The following CAD variants were observed in gnomAD, a reference collection of about 807,000 sequenced individuals.
CAD encodes multifunctional protein CAD.
CAD carries 81 observed loss-of-function variants against 237.2 expected under a neutral mutation model. The observed-to-expected ratio is 0.34, with a 90% confidence interval of 0.29 to 0.41. The LOEUF (loss-of-function observed/expected upper bound fraction) is 0.41. CAD is among the 10% of genes least tolerant of loss of function. CAD has a pLI of 1.00. For missense variants in CAD, 2,181 were observed against 2,951.7 expected (o/e 0.74, Z 6.05); for synonymous variants, 1,196 against 1,162.8 (o/e 1.03, Z -0.58).
In CAD at chr2:27,240,592, G is replaced by C. The variant is rs1177572566; in HGVS notation, c.5593+231G>C. The C allele has an allele frequency of 2.6e-6, 4 of 1,545,478 alleles. No homozygotes were observed. The highest frequency in any genetic ancestry group is 3.5e-6 in the Non-Finnish European group (4 of 1,144,116). On this transcript the variant is annotated intron_variant, in intron 35 of 43. Transcript: ENST00000264705. The surrounding 1 kb of genome is among the most constrained non-coding windows in gnomAD (Gnocchi z 4.6). Reference sequence around the variant, plus strand: ...CTGTGTTCCTCCGCCCAGGAGCTGGGATCCCACGGGGCAGCAGAGCGTGGG... The same window carrying C: ...CTGTGTTCCTCCGCCCAGGAGCTGGCATCCCACGGGGCAGCAGAGCGTGGG...
chr2:27,231,602 G>A lies in CAD; in HGVS notation c.2400+22G>A, dbSNP rs374636890. Reference sequence around the variant, plus strand: ...TATGGTAAGTAGCTCCCCTCCCCTGGCAATACCCCTAAAATAGACCCTGCT... The same window carrying A: ...TATGGTAAGTAGCTCCCCTCCCCTGACAATACCCCTAAAATAGACCCTGCT... On this transcript the variant is annotated intron_variant, in intron 16 of 43. Transcript: ENST00000264705. The A allele has an allele frequency of 2.2e-4, 310 of 1,424,804 alleles. No homozygotes were observed. The African/African-American group carries it at 4.1e-3, about 19-fold the overall frequency. 88.3% of individuals were successfully genotyped at this position (1,424,804 alleles called of 1,614,324 possible). A position where few individuals can be genotyped will look rare whatever the true frequency, so the allele number is the denominator to read the frequency against.
At position 27,225,409 on chromosome 2, in the gene CAD, C is replaced by T. The variant is rs187311241; in HGVS notation, c.1620+166C>T. Among the ~76,000 whole-genome samples, 7 of 147,002 alleles carry T rather than the reference C, an allele frequency of 4.8e-5. No individual in the cohort carries two copies. The East Asian group carries it at 1.2e-3, about 25-fold the overall frequency. The stretch of plus-strand genomic sequence containing the variant: ...ATAACCTCCACCTCCCAGATTCAAG[C>T]GACTCTCCTGCCTCAGCTTCCTGAG... On this transcript the variant is annotated intron_variant, in intron 11 of 43. Coordinates refer to ENST00000264705, the MANE Select transcript of CAD (RefSeq NM_004341.5).
chr2:27,232,216 A>G lies in CAD; in HGVS notation c.2637A>G (p.Ala879=), dbSNP rs758833573. The change falls in exon 17 of 44, where the codon GCA becomes GCG. Residue 879 remains alanine (A), a synonymous_variant. Transcript: ENST00000264705. This position sits in a 1 kb window ranked among gnomAD's most constrained non-coding sequence, Gnocchi z 4.1. ...LGFSDKQIAL[A]VLSTELAVRK... ...TCTCAGACAAACAGATTGCCCTTGC[A>G]GTTCTGAGGTCAGAGGTGGCAATGA... 17 of 1,614,052 alleles carry G rather than the reference A, an allele frequency of 1.1e-5. No individual in the cohort carries two copies. The highest frequency in any genetic ancestry group is 1.4e-5 in the Non-Finnish European group (16 of 1,180,012).
intron 15 of CAD, among the ~76,000 whole-genome samples, chr2:27,230,337 A>G (rs988366107): frequency 6.6e-6 from 1 of 151,620 alleles, no homozygotes; most frequent in Non-Finnish European, 1.5e-5. Context: ...TGCTGTGATG[A>G]TATGTAAAAC....
Position 27,241,498 on chromosome 2 carries a change from C to T in CAD, c.5883+102C>T. ...TCAGAGTGGGTCTTCCTCCCCCTGC[C>T]ATCCCGTCCCCTTATGCTAGTCCAT... is the stretch of plus-strand genomic sequence containing the variant. On this transcript the variant is annotated intron_variant, in intron 38 of 43. Transcript: ENST00000264705. This position sits in a 1 kb window ranked among gnomAD's most constrained non-coding sequence, Gnocchi z 4.6. The T allele has an allele frequency of 3.7e-6, 4 of 1,070,774 alleles. No homozygotes were observed. Among genetic ancestry groups the T allele is most frequent in the Non-Finnish European group, 5.7e-6 (4 of 696,518 alleles). 66.3% of individuals were successfully genotyped at this position (1,070,774 alleles called of 1,614,324 possible).
In CAD at chr2:27,236,551, AGACT is replaced by A. The variant is rs1676011676; in HGVS notation, c.4314+30_4314+33del. On this transcript the variant is annotated intron_variant, in intron 26 of 43. Transcript: ENST00000264705. This position sits in a 1 kb window ranked among gnomAD's most constrained non-coding sequence, Gnocchi z 4.1. ...AACTGAGACCCATGTGCTGGGAGGG[AGACT>A]GCCAGTGTTGATGGGAAGAAGAAAG... 1 of 1,606,340 alleles carries A rather than the reference AGACT, an allele frequency of 6.2e-7. No homozygotes were observed. Among genetic ancestry groups the A allele is most frequent in the African/African-American group, 1.3e-5 (1 of 74,970 alleles).
rs181153542 is a variant in CAD at position 27,222,070 on chromosome 2, T to C, written c.353-124T>C. The C allele has an allele frequency of 9.4e-4, 863 of 915,816 alleles. 1 individual carries two copies. The highest frequency in any genetic ancestry group is 1.9e-3 in the Middle Eastern group (8 of 4,208). The allele number at this position is 915,816 out of a possible 1,614,324, so 56.7% of individuals were successfully genotyped here. A position where few individuals can be genotyped will look rare whatever the true frequency, so the allele number is the denominator to read the frequency against. On this transcript the variant is annotated intron_variant, in intron 3 of 43. Coordinates refer to ENST00000264705, the MANE Select transcript of CAD (RefSeq NM_004341.5). ...ATACTTCTGTCACAATGGCCCAGGA[T>C]TTTGATGCACATAGAACAGCTGTGT...
At position 27,242,860 on chromosome 2, in the gene CAD, C is replaced by T; in HGVS notation, c.6379-12C>T. On this transcript the variant is annotated splice_polypyrimidine_tract_variant and intron_variant, in intron 41 of 43. Transcript: ENST00000264705. The surrounding 1 kb of genome is among the most constrained non-coding windows in gnomAD (Gnocchi z 6.4). ...CAGCGCTGCATCCACCATGGCTCTC[C>T]TCACCCTCCAGGAGGAATTCGAGAG... 1 of 1,613,784 alleles carries T rather than the reference C, an allele frequency of 6.2e-7. No homozygotes were observed. The highest frequency in any genetic ancestry group is 8.5e-7 in the Non-Finnish European group (1 of 1,179,634).
At chr2:27,223,863 G>A in intron 7 of CAD, 54 bp from the exon 8 acceptor site, 1 of 1,548,316 alleles carries the variant, frequency 6.5e-7, no homozygotes, top group Non-Finnish European at 8.9e-7. Context: ...CCTCGAGGCT[G>A]CCAGTGTCAT....
At chr2:27,217,834 G>A (rs767387166) in intron 1 of CAD, 43 bp from the exon 2 acceptor site, 36 of 1,554,368 alleles carry the variant, frequency 2.3e-5, no homozygotes, top group Non-Finnish European at 3.0e-5. Context: ...GGAGTGTTCC[G>A]AAGGGTGCCC....
At position 27,236,719 on chromosome 2, in the gene CAD, C is replaced by T; in HGVS notation, c.4315-30C>T. ...CCCTACAACTCCCAGGATCACCCTT[C>T]CCTTAAAGCTGACTGCTTTCCACTT... On this transcript the variant is annotated intron_variant, in intron 26 of 43. Transcript: ENST00000264705. This position sits in a 1 kb window ranked among gnomAD's most constrained non-coding sequence, Gnocchi z 4.1. 6.2e-7 allele frequency: 1 copy of T among 1,607,016 alleles called. No homozygotes were observed. The highest frequency in any genetic ancestry group is 8.5e-7 in the Non-Finnish European group (1 of 1,173,532).
At chr2:27,230,232 G>A (rs568220936) in intron 15 of CAD, among the ~76,000 whole-genome samples, 4 of 152,258 alleles carry the variant, frequency 2.6e-5, no homozygotes, top group Admixed American at 6.5e-5. Flanking sequence ...GAGAAACTCC[G>A]TCTCAAGAAA....
chr2:27,234,115 C>G lies in CAD; in HGVS notation c.3507C>G (p.Thr1169=). ...GVHSGDATLV[T]PPQDITAKTL... The stretch of plus-strand genomic sequence containing the variant: ...ATTCAGGTGATGCGACGCTGGTGAC[C>G]CCCCCACAAGATATCACTGCCAAAA... The change falls in exon 22 of 44, where the codon ACC becomes ACG. Residue 1169 remains threonine, a synonymous_variant. Coordinates refer to ENST00000264705, the MANE Select transcript of CAD (RefSeq NM_004341.5). The G allele has an allele frequency of 1.2e-6, 2 of 1,614,078 alleles. No homozygotes were observed. The highest frequency in any genetic ancestry group is 1.7e-6 in the Non-Finnish European group (2 of 1,179,994).
chr2:27,231,543 T>C lies in CAD; in HGVS notation c.2363T>C (p.Val788Ala), dbSNP rs1253414276. The change falls in exon 16 of 44, where the codon GTG becomes GCG. Residue 788 changes from valine to alanine, a missense_variant. Physicochemically the swap from Val to Ala is moderately conservative, Grantham distance 64. Coordinates refer to ENST00000264705, the MANE Select transcript of CAD (RefSeq NM_004341.5). ...KALRMVDENC[V>A]GFDHTVKPVS... ...CTGCGCATGGTGGATGAGAACTGTG[T>C]GGGCTTTGATCACACAGTGAAACCA... The C allele has an allele frequency of 2.5e-6, 4 of 1,613,760 alleles. No individual in the cohort carries two copies. In the Admixed American group the frequency reaches 6.7e-5, roughly 27 times the overall value.
Position 27,224,858 on chromosome 2 carries a change from A to G in CAD, c.1368A>G (p.Thr456=). 1.2e-6 allele frequency: 2 copies of G among 1,613,980 alleles called. No individual in the cohort carries two copies. The highest frequency in any genetic ancestry group is 1.7e-6 in the Non-Finnish European group (2 of 1,179,978). The change falls in exon 10 of 44, where the codon ACA becomes ACG. Residue 456 remains threonine, a synonymous_variant. Transcript: ENST00000264705. Reference sequence around the variant, plus strand: ...ACAAGGTCTATTTTCTTCCCATAACACCTCATTATGTAACCCAGGTATGAC... The same window carrying G: ...ACAAGGTCTATTTTCTTCCCATAACGCCTCATTATGTAACCCAGGTATGAC... ...LADKVYFLPI[T]PHYVTQVIRN...
Position 27,221,780 on chromosome 2 carries a change from T to TTTTTA in CAD, c.353-414_353-413insTTTTA, listed in dbSNP as rs1491358907. ...TTTTTTTTTTTTTTTTTTTTTTTTT[T>TTTTTA]CTGTTCATTTGAATCTTGCTCTAAA... is the stretch of plus-strand genomic sequence containing the variant. On this transcript the variant is annotated intron_variant, in intron 3 of 43. Transcript: ENST00000264705. Among the ~76,000 whole-genome samples the TTTTTA allele has an allele frequency of 1.6e-3, 196 of 118,864 alleles. 2 individuals carry two copies. Among genetic ancestry groups the TTTTTA allele is most frequent in the African/African-American group, 5.8e-3 (162 of 28,160 alleles). The allele number at this position is 118,864 out of a possible 152,430, so 78.0% of individuals were successfully genotyped here.
chr2:27,232,046 G>C lies in CAD; in HGVS notation c.2467G>C (p.Val823Leu). ...VAAALWAGYS[V>L]DRLYELTRID... ...AGCTGCTTTGTGGGCTGGTTATTCA[G>C]TGGACCGCCTGTATGAGCTCACACG... Residue 823 changes from valine to leucine, a missense_variant, in exon 17 of 44, where the codon GTG becomes CTG. Coordinates refer to ENST00000264705, the MANE Select transcript of CAD (RefSeq NM_004341.5). This position sits in a 1 kb window ranked among gnomAD's most constrained non-coding sequence, Gnocchi z 4.1. 6.2e-7 allele frequency: 1 copy of C among 1,614,246 alleles called. No homozygotes were observed. The highest frequency in any genetic ancestry group is 8.5e-7 in the Non-Finnish European group (1 of 1,180,050).
Position 27,238,541 on chromosome 2 carries a change from G to T in CAD, c.4971G>T (p.Lys1657Asn). The change falls in exon 31 of 44, where the codon AAG (lysine) becomes AAT (asparagine). Residue 1657 changes from lysine to asparagine, a missense_variant. Transcript: ENST00000264705. ...HDDLERLGPG[K>N]GEVRPELGSR... ...ACCTGGAGCGCCTGGGGCCTGGGAA[G>T]GGGGAGGTCCGGCCTGAGCTTGGCT... is the stretch of plus-strand genomic sequence containing the variant. 24 of 1,614,092 alleles carry T rather than the reference G, an allele frequency of 1.5e-5. No homozygotes were observed. Among genetic ancestry groups the T allele is most frequent in the Non-Finnish European group, 1.9e-5 (22 of 1,179,984 alleles).
At chr2:27,234,466 A>G in intron 22 of CAD, 52 bp from the exon 23 acceptor site, 8 of 1,554,166 alleles carry the variant, frequency 5.1e-6, no homozygotes, top group Non-Finnish European at 6.2e-6. Flanking sequence ...GCCTATAGAT[A>G]GTGTCAGCAA....
Sources: allele counts gnomAD v4.1 joint callset (sites outside exome capture counted in the v4.1 genomes callset), GRCh38; gene constraint gnomAD v4.1.1; non-coding constraint Gnocchi (gnomAD v3.1); transcripts MANE v1.5; gene names NCBI Gene and HGNC (gene_info 2026-07-23, HGNC 2026-07-21).